NCKAP1: variants seen among roughly 807,000 people sequenced by gnomAD.
NCKAP1 encodes nck-associated protein 1.
A neutral mutation model predicts 151.2 loss-of-function variants in NCKAP1; 21 were observed. The ratio of observed to expected loss-of-function variants is 0.14; its 90% CI spans 0.10 to 0.20. NCKAP1 has a LOEUF of 0.20. NCKAP1 is among the 10% of genes least tolerant of loss of function. The pLI is 1.00. For synonymous variants in NCKAP1, 484 were observed against 451.8 expected, an observed-to-expected ratio of 1.07 and a Z score of -0.90; for missense variants, 933 against 1,352.1, an observed-to-expected ratio of 0.69 and a Z score of 4.86.
intron 1 of NCKAP1, among the ~76,000 whole-genome samples, chr2:183,032,833 C>T (rs2105901302): frequency 6.6e-6 from 1 of 152,162 alleles, no homozygotes; most frequent in Non-Finnish European, 1.5e-5. Flanking sequence ...GATTGCTCGA[C>T]CCCAGGAGAC....
rs1299165977 is a variant in NCKAP1 at position 182,920,850 on chromosome 2, A to G, written c.*4852T>C. ...AGACCACAGCACAAAGGTTAGGGACAACTTCTTAAGTAATTGTGTGATGCA... is the reference window on the plus strand; with the variant it reads ...AGACCACAGCACAAAGGTTAGGGACGACTTCTTAAGTAATTGTGTGATGCA... On this transcript the variant is annotated 3_prime_UTR_variant, in exon 31 of 31. Coordinates refer to ENST00000361354, the MANE Select transcript of NCKAP1 (RefSeq NM_013436.5). 1 of 151,868 alleles carries G rather than the reference A, an allele frequency of 6.6e-6. No homozygotes were observed. Among genetic ancestry groups the G allele is most frequent in the Non-Finnish European group, 1.5e-5 (1 of 67,976 alleles). 9.4% of individuals were successfully genotyped at this position (151,868 alleles called of 1,614,324 possible). A position where few individuals can be genotyped will look rare whatever the true frequency, so the allele number is the denominator to read the frequency against.
At chr2:182,972,594 T>C (rs535364407) in intron 15 of NCKAP1, among the ~76,000 whole-genome samples, 2 of 152,284 alleles carry the variant, frequency 1.3e-5, no homozygotes, top group East Asian at 3.9e-4. Context: ...ATCAACATAC[T>C]GAAGAAGTAT....
chr2:182,927,973 G>A lies in NCKAP1; in HGVS notation c.3180+144C>T, dbSNP rs1696683019. ...AAAGGAGACTGAAATTCATATACCT[G>A]AGAAAATAATTTGAAAACAAAATGC... On this transcript the variant is annotated intron_variant, in intron 29 of 30. Coordinates refer to ENST00000361354, the MANE Select transcript of NCKAP1 (RefSeq NM_013436.5). 4 of 561,142 alleles carry A rather than the reference G, an allele frequency of 7.1e-6. No homozygotes were observed. In the Admixed American group the frequency reaches 1.4e-4, roughly 20 times the overall value. 34.8% of individuals were successfully genotyped at this position (561,142 alleles called of 1,614,324 possible). A position where few individuals can be genotyped will look rare whatever the true frequency, so the allele number is the denominator to read the frequency against.
chr2:182,944,699 A>G (rs1310663705), intron 23 of NCKAP1, among the ~76,000 whole-genome samples: 1 of 152,256 alleles, frequency 6.6e-6, no homozygotes, highest in African/African-American at 2.4e-5. Flanking sequence ...CTCGGCTAAA[A>G]CAGGAACTAA....
chr2:182,948,684 C>T (rs9789450), intron 23 of NCKAP1, among the ~76,000 whole-genome samples: 102,225 of 152,046 alleles, frequency 0.67, 37,634 homozygotes, highest in East Asian at 0.96. Context: ...AAAGCATACA[C>T]TCAGGTCTAA....
rs947386815 is a variant in NCKAP1, at chr2:182,911,377, C to A, written c.*14325G>T. 1 of 152,116 alleles carries A rather than the reference C, an allele frequency of 6.6e-6. No homozygotes were observed. Among genetic ancestry groups the A allele is most frequent in the African/African-American group, 2.4e-5 (1 of 41,404 alleles). 9.4% of individuals were successfully genotyped at this position (152,116 alleles called of 1,614,324 possible). A position where few individuals can be genotyped will look rare whatever the true frequency, so the allele number is the denominator to read the frequency against. On this transcript the variant is annotated 3_prime_UTR_variant, in exon 31 of 31. Transcript: ENST00000361354. ...AGCCTTACATAGTGGGGAATTCAAA[C>A]ACATGGGAAGGGGATTAATTCACAA...
chr2:182,989,138 A>C lies in NCKAP1; in HGVS notation c.839T>G (p.Leu280Arg). The C allele has an allele frequency of 6.2e-7, 1 of 1,613,242 alleles. No homozygotes were observed. The highest frequency in any genetic ancestry group is 8.5e-7 in the Non-Finnish European group (1 of 1,179,450). ...TTGAAGAGCTAGTTTCCAAAGGTTC[A>C]GTGCTGTAGCGTCAGTATTTAGGAT... Reference protein sequence around the residue: ...HGILNTDATALNLWKLALQSS... With the variant: ...HGILNTDATARNLWKLALQSS... The change falls in exon 9 of 31, where the codon CTG becomes CGG. Residue 280 changes from leucine to arginine, a missense_variant. This residue lies in a region of NCKAP1 where 607 missense variants were observed against 795.0 expected (regional missense o/e 0.76). Transcript: ENST00000361354.
At chr2:183,037,856 C>G in intron 1 of NCKAP1, 136 bp downstream of exon 1, 1 of 632,680 alleles carries the variant, frequency 1.6e-6, no homozygotes, top group Non-Finnish European at 2.5e-6. Flanking sequence ...CAGGCGACCC[C>G]GGGCCGGGCC....
intron 23 of NCKAP1, among the ~76,000 whole-genome samples, chr2:182,949,614 C>T (rs1465752979): frequency 1.3e-5 from 2 of 152,086 alleles, no homozygotes; most frequent in African/African-American, 2.4e-5. Flanking sequence ...CCAGCTTGGG[C>T]AATATGGCGA....
In NCKAP1 at chr2:182,925,563, A is replaced by T; in HGVS notation, c.*139T>A. 1 of 476,158 alleles carries T rather than the reference A, an allele frequency of 2.1e-6. No individual in the cohort carries two copies. Among genetic ancestry groups the T allele is most frequent in the South Asian group, 4.9e-5 (1 of 20,352 alleles). The allele number at this position is 476,158 out of a possible 1,614,324, so 29.5% of individuals were successfully genotyped here. The stretch of plus-strand genomic sequence containing the variant: ...GTAGTACAACCATATTAAGAAACCA[A>T]TGATCAGAAAATACAACCGTATGAA... On this transcript the variant is annotated 3_prime_UTR_variant, in exon 31 of 31. Coordinates refer to ENST00000361354, the MANE Select transcript of NCKAP1 (RefSeq NM_013436.5).
chr2:182,964,505 A>C (rs1294467585), intron 17 of NCKAP1, among the ~76,000 whole-genome samples, 171 bp downstream of exon 17: 2 of 152,192 alleles, frequency 1.3e-5, no homozygotes, highest in South Asian at 2.1e-4. Flanking sequence ...TTATTTATCT[A>C]TATATATATT....
At position 182,915,252 on chromosome 2, in the gene NCKAP1, A is replaced by G. The variant is rs997645282; in HGVS notation, c.*10450T>C. On this transcript the variant is annotated 3_prime_UTR_variant, in exon 31 of 31. Transcript: ENST00000361354. ...CTCTAGACACCACACCTATTTTCCA[A>G]CTGTAATATTCTGTATAGAATGCAA... is the stretch of plus-strand genomic sequence containing the variant. 2 of 152,196 alleles carry G rather than the reference A, an allele frequency of 1.3e-5. No homozygotes were observed. Among genetic ancestry groups the G allele is most frequent in the African/African-American group, 2.4e-5 (1 of 41,450 alleles). 9.4% of individuals were successfully genotyped at this position (152,196 alleles called of 1,614,324 possible).
chr2:182,933,799 T>C (rs1696814880), intron 26 of NCKAP1, among the ~76,000 whole-genome samples: 1 of 152,098 alleles, frequency 6.6e-6, no homozygotes, highest in Non-Finnish European at 1.5e-5. Context: ...TTTCAAGATA[T>C]GTGAAACAGA....
chr2:182,930,393 T>G (rs1181461262), intron 27 of NCKAP1, among the ~76,000 whole-genome samples: 1 of 152,006 alleles, frequency 6.6e-6, no homozygotes, highest in African/African-American at 2.4e-5. Context: ...TTTTTCGTGG[T>G]TTTTCCTTTT....
At chr2:182,999,348 T>G (rs1698334177) in intron 6 of NCKAP1, among the ~76,000 whole-genome samples, 1 of 152,114 alleles carries the variant, frequency 6.6e-6, no homozygotes, top group South Asian at 2.1e-4. Context: ...CAATAAACAC[T>G]TCTCAAAAGA....
rs1056715037 is a variant in NCKAP1, at chr2:182,918,050, A to G, written c.*7652T>C. The G allele has an allele frequency of 1.3e-5, 2 of 152,226 alleles. No individual in the cohort carries two copies. The highest frequency in any genetic ancestry group is 3.8e-4 in the East Asian group (2 of 5,208). 9.4% of individuals were successfully genotyped at this position (152,226 alleles called of 1,614,324 possible). On this transcript the variant is annotated 3_prime_UTR_variant, in exon 31 of 31. Coordinates refer to ENST00000361354, the MANE Select transcript of NCKAP1 (RefSeq NM_013436.5). The stretch of plus-strand genomic sequence containing the variant: ...TATGGGCTGGAAATCCTAGAGCCTT[A>G]GGTTTTAATCTCAGCACTGCCACTC...
At chr2:182,982,969 A>G in intron 11 of NCKAP1, 42 bp from the exon 12 acceptor site, 3 of 1,424,108 alleles carry the variant, frequency 2.1e-6, no homozygotes, top group Non-Finnish European at 2.9e-6. Flanking sequence ...TTCAAAGATT[A>G]AAAACAAAAC....
At position 182,976,963 on chromosome 2, in the gene NCKAP1, G is replaced by GAAA; in HGVS notation, c.1424-15_1424-13dup. On this transcript the variant is annotated splice_polypyrimidine_tract_variant and intron_variant, in intron 14 of 30. Transcript: ENST00000361354. ...TTCCCCATCTTCAACTGTAGTAATA[G>GAAA]AAAAAAAAAAAAGATTACAAAGCAA... The GAAA allele has an allele frequency of 1.4e-5, 17 of 1,173,586 alleles. No homozygotes were observed. Among genetic ancestry groups the GAAA allele is most frequent in the South Asian group, 6.9e-5 (4 of 57,910 alleles). 72.7% of individuals were successfully genotyped at this position (1,173,586 alleles called of 1,614,324 possible). A position where few individuals can be genotyped will look rare whatever the true frequency, so the allele number is the denominator to read the frequency against.
chr2:182,959,657 A>T (rs1697400427), intron 18 of NCKAP1, among the ~76,000 whole-genome samples: 1 of 151,976 alleles, frequency 6.6e-6, no homozygotes, highest in Admixed American at 6.6e-5. Context: ...AACTGGAAGC[A>T]CTCCCTTTGA....
Sources: allele counts gnomAD v4.1 joint callset (sites outside exome capture counted in the v4.1 genomes callset), GRCh38; gene constraint gnomAD v4.1.1; regional missense constraint gnomAD v4.1.1; transcripts MANE v1.5; gene names NCBI Gene and HGNC (gene_info 2026-07-23, HGNC 2026-07-21).